Variants in IFT43 observed in about 807,000 individuals in gnomAD.
IFT43 encodes intraflagellar transport 43.
IFT43 carries 33 observed loss-of-function variants against 32.3 expected under a neutral mutation model. That is an observed-to-expected ratio of 1.02 (90% CI 0.77 to 1.37). The LOEUF (loss-of-function observed/expected upper bound fraction) is 1.37, where lower values mean the gene tolerates loss of function less well. IFT43 is among the 40% of genes most tolerant of loss of function. The probability of loss-of-function intolerance (pLI) is 0.00; values close to 1 mark genes in which losing one functional copy is unlikely to be tolerated. For synonymous variants in IFT43, 93 were observed against 98.2 expected (o/e 0.95, Z 0.31); for missense variants, 274 against 265.9 (o/e 1.03, Z -0.21).
In IFT43 at chr14:76,083,155, G is replaced by C. The variant is rs958491714; in HGVS notation, c.445-72G>C. ...GTTCTGACACACAAAAACTGATCCC[G>C]GTTTTGTGAGAAAGAGTTGCCTGAA... is the stretch of plus-strand genomic sequence containing the variant. On this transcript the variant is annotated intron_variant, in intron 7 of 8. Transcript: ENST00000314067. The C allele has an allele frequency of 3.2e-6, 5 of 1,554,614 alleles. No individual in the cohort carries two copies. The Admixed American group carries it at 8.4e-5, about 26-fold the overall frequency.
chr14:76,074,773 C>T (rs748178848), intron 5 of IFT43, among the ~76,000 whole-genome samples: 1 of 152,136 alleles, frequency 6.6e-6, no homozygotes, highest in Non-Finnish European at 1.5e-5. Context: ...AGAGCCAAGT[C>T]GACGTGCTTG....
intron 1 of IFT43, among the ~76,000 whole-genome samples, chr14:75,988,161 G>A (rs1394900724): frequency 2.0e-5 from 3 of 152,150 alleles, no homozygotes; most frequent in Non-Finnish European, 4.4e-5. Flanking sequence ...CTCTATAGCT[G>A]TTGAAAGAAA....
At chr14:76,002,661 G>T (rs2035911075) in intron 2 of IFT43, among the ~76,000 whole-genome samples, 1 of 152,260 alleles carries the variant, frequency 6.6e-6, no homozygotes, top group African/African-American at 2.4e-5. Context: ...TTTTTGGTCA[G>T]TGTGTGCTCA....
chr14:76,078,340 C>T (rs1469993341), intron 5 of IFT43, among the ~76,000 whole-genome samples: 1 of 152,124 alleles, frequency 6.6e-6, no homozygotes, highest in South Asian at 2.1e-4. Flanking sequence ...TGTTGCTTTC[C>T]ATCATGAAAT....
intron 2 of IFT43, among the ~76,000 whole-genome samples, chr14:76,002,828 G>A (rs2035914241): frequency 6.6e-6 from 1 of 152,208 alleles, no homozygotes; most frequent in Non-Finnish European, 1.5e-5. Context: ...GGTTTGCAGG[G>A]TTTTAAAAAA....
At position 76,056,060 on chromosome 14, in the gene IFT43, T is replaced by C. The variant is rs557624915; in HGVS notation, c.216-2582T>C. Reference sequence around the variant, plus strand: ...ATTTTTATACAAAATCTCCCCATTTTGGCAATGAATTTACATTAAAACAGA... The same window carrying C: ...ATTTTTATACAAAATCTCCCCATTTCGGCAATGAATTTACATTAAAACAGA... On this transcript the variant is annotated intron_variant, in intron 3 of 8. Transcript: ENST00000314067. Among the ~76,000 whole-genome samples, 5 of 152,324 alleles carry C rather than the reference T, an allele frequency of 3.3e-5. No individual in the cohort carries two copies. The South Asian group carries it at 1.0e-3, about 32-fold the overall frequency.
At chr14:76,001,152 A>G (rs2035877825) in intron 2 of IFT43, among the ~76,000 whole-genome samples, 1 of 152,238 alleles carries the variant, frequency 6.6e-6, no homozygotes, top group Non-Finnish European at 1.5e-5. Flanking sequence ...TCTTAGAAAG[A>G]ACACTTTGGC....
intron 3 of IFT43, among the ~76,000 whole-genome samples, chr14:76,033,054 C>G (rs150345944): frequency 1.5e-3 from 233 of 152,256 alleles, no homozygotes; most frequent in South Asian, 6.0e-3. Flanking sequence ...CACTTTGAGT[C>G]ATCTACAAAA....
intron 2 of IFT43, among the ~76,000 whole-genome samples, chr14:76,010,392 CT>C (rs2036061204): frequency 6.6e-6 from 1 of 152,068 alleles, no homozygotes; most frequent in Non-Finnish European, 1.5e-5. Flanking sequence ...CCAACCCTGC[CT>C]TTTTTCTTTT....
intron 2 of IFT43, among the ~76,000 whole-genome samples, chr14:76,019,378 C>CT (rs1020937145): frequency 0.014 from 2,019 of 143,900 alleles, 44 homozygotes; most frequent in African/African-American, 0.043. Flanking sequence ...TCATAGCTGC[C>CT]TTTTTTTTTT....
intron 2 of IFT43, among the ~76,000 whole-genome samples, chr14:76,013,410 G>A (rs571026188): frequency 1.9e-4 from 29 of 152,264 alleles, no homozygotes; most frequent in African/African-American, 6.7e-4. Flanking sequence ...CATCTGATCT[G>A]TCACCTCCGG....
chr14:76,057,163 C>T (rs2037033903), intron 3 of IFT43, among the ~76,000 whole-genome samples: 2 of 152,326 alleles, frequency 1.3e-5, no homozygotes, highest in African/African-American at 4.8e-5. Flanking sequence ...TTGATAGAGT[C>T]TAAATTCCAT....
Position 75,999,254 on chromosome 14 carries a change from TATATATATATATATATATGTATATATA to T in IFT43, c.147+10278_147+10304del, listed in dbSNP as rs1460632989. Among the ~76,000 whole-genome samples, 28 of 9,992 alleles carry T rather than the reference TATATATATATATATATATGTATATATA, an allele frequency of 2.8e-3. 1 individual carries two copies. Among genetic ancestry groups the T allele is most frequent in the African/African-American group, 8.6e-3 (22 of 2,552 alleles). 6.6% of individuals were successfully genotyped at this position (9,992 alleles called of 152,430 possible). A position where few individuals can be genotyped will look rare whatever the true frequency, so the allele number is the denominator to read the frequency against. On this transcript the variant is annotated intron_variant, in intron 2 of 8. Transcript: ENST00000314067. ...ATATATATATATATATATATATATA[TATATATATATATATATATGTATATATA>T]TTTTTTTTTTTTTTTTTTTAATTTT...
rs552096516 is a variant in IFT43 at position 76,008,302 on chromosome 14, A to G, written c.148-14025A>G. ...AAAGGCCCTGTAACACCTGGCCACC[A>G]GAAACTTCCATTGTCTCAACCCTAA... On this transcript the variant is annotated intron_variant, in intron 2 of 8. Transcript: ENST00000314067. 1.4e-4 allele frequency among the ~76,000 whole-genome samples: 21 copies of G among 152,342 alleles called. No individual in the cohort carries two copies. In the East Asian group the frequency reaches 3.5e-3, roughly 25 times the overall value.
intron 2 of IFT43, chr14:76,013,740 T>G (rs1295464092): frequency 2.8e-6 from 1 of 352,330 alleles, no homozygotes; most frequent in Admixed American, 3.6e-5. Flanking sequence ...AATGAAAAAC[T>G]TCGTAACATC....
rs2037556690 is a variant in IFT43 at position 76,083,637 on chromosome 14, G to T, written c.*60G>T. 1 of 1,550,918 alleles carries T rather than the reference G, an allele frequency of 6.4e-7. No individual in the cohort carries two copies. Among genetic ancestry groups the T allele is most frequent in the African/African-American group, 1.4e-5 (1 of 73,712 alleles). ...AATGAGCTTAAAGCTAAAGAAGCTTGTAAGCAGCTCCGAATTTTTACCTGG... is the reference window on the plus strand; with the variant it reads ...AATGAGCTTAAAGCTAAAGAAGCTTTTAAGCAGCTCCGAATTTTTACCTGG... On this transcript the variant is annotated 3_prime_UTR_variant, in exon 9 of 9. Coordinates refer to ENST00000314067, the MANE Select transcript of IFT43 (RefSeq NM_001102564.3).
chr14:76,029,482 A>G (rs993860232), intron 3 of IFT43, among the ~76,000 whole-genome samples: 6 of 152,084 alleles, frequency 3.9e-5, no homozygotes, highest in South Asian at 2.1e-4. Flanking sequence ...CCACTTGTCA[A>G]TTTTTCCTTT....
At chr14:76,013,738 A>G (rs548043840) in intron 2 of IFT43, 165 of 350,814 alleles carry the variant, frequency 4.7e-4, no homozygotes, top group Non-Finnish European at 7.9e-4. Context: ...GGAATGAAAA[A>G]CTTCGTAACA....
chr14:76,046,568 C>G (rs1023308777), intron 3 of IFT43, among the ~76,000 whole-genome samples: 1 of 152,126 alleles, frequency 6.6e-6, no homozygotes, highest in African/African-American at 2.4e-5. Flanking sequence ...ACAAGCAGCA[C>G]AGGGAAGAGA....
Sources: gnomAD v4.1 joint callset for allele counts (sites outside exome capture counted in the v4.1 genomes callset) on GRCh38, gnomAD v4.1.1 for gene constraint, MANE v1.5 for transcripts, NCBI Gene and HGNC (gene_info 2026-07-23, HGNC 2026-07-21) for gene names.